Variants in BACH2 observed in about 807,000 individuals in gnomAD.
BACH2 encodes transcription regulator protein BACH2.
Under a neutral mutation model 61.8 loss-of-function variants are expected in BACH2, and 5 were observed. The ratio of observed to expected loss-of-function variants is 0.08; its 90% CI spans 0.04 to 0.17. The LOEUF is 0.17. BACH2 is among the 10% of genes least tolerant of loss of function. The pLI, the probability that BACH2 is intolerant of heterozygous loss-of-function variation, is 1.00. For synonymous variants in BACH2, 446 were observed against 440.1 expected (o/e 1.01, Z -0.17); for missense variants, 824 against 1,091.1 (o/e 0.76, Z 3.45).
intron 4 of BACH2, among the ~76,000 whole-genome samples, chr6:90,103,025 A>AT (rs1440363076): frequency 2.5e-4 from 7 of 27,508 alleles, no homozygotes; most frequent in East Asian, 4.1e-4. Context: ...ATATATATAT[A>AT]TATATTTTTT....
chr6:89,968,467 A>G (rs1337833970), intron 6 of BACH2, among the ~76,000 whole-genome samples: 2 of 152,240 alleles, frequency 1.3e-5, no homozygotes, highest in South Asian at 2.1e-4. Flanking sequence ...TAAGAAGGCA[A>G]TAACATTACA....
Position 89,950,753 on chromosome 6 carries a change from C to T in BACH2, c.1353G>A (p.Val451=). The change falls in exon 7 of 9, where the codon GTG becomes GTA. Residue 451 remains valine (V), a synonymous_variant. Coordinates refer to ENST00000257749, the MANE Select transcript of BACH2 (RefSeq NM_021813.4). This position sits in a 1 kb window ranked among gnomAD's most constrained non-coding sequence, Gnocchi z 5.3. ...VSTSVHSYSG[V]SSLDKDLSEP... ...CAGAGAGGTCTTTGTCCAAACTGCT[C>T]ACCCCAGAATAAGAATGCACCGAGG... 2 of 1,614,172 alleles carry T rather than the reference C, an allele frequency of 1.2e-6. No homozygotes were observed. Among genetic ancestry groups the T allele is most frequent in the African/African-American group, 1.3e-5 (1 of 75,060 alleles).
At chr6:89,988,129 A>T (rs932358205) in intron 6 of BACH2, among the ~76,000 whole-genome samples, 2 of 152,188 alleles carry the variant, frequency 1.3e-5, no homozygotes, top group Admixed American at 6.5e-5. Context: ...GCAGTATTTT[A>T]AAAAAATCAA....
chr6:90,258,814 T>C (rs930937075), intron 2 of BACH2, among the ~76,000 whole-genome samples: 2 of 152,200 alleles, frequency 1.3e-5, no homozygotes, highest in Non-Finnish European at 2.9e-5. Context: ...TTCTTTTTGA[T>C]GCTTTGTTAA....
At chr6:90,098,013 A>G (rs1029827397) in intron 4 of BACH2, among the ~76,000 whole-genome samples, 6 of 152,198 alleles carry the variant, frequency 3.9e-5, no homozygotes, top group South Asian at 2.1e-4. Flanking sequence ...TAGGTTCTAT[A>G]CTAGCTGTAT....
chr6:89,963,758 T>G (rs996490738), intron 6 of BACH2, among the ~76,000 whole-genome samples: 1 of 152,220 alleles, frequency 6.6e-6, no homozygotes, highest in African/African-American at 2.4e-5. Context: ...GTTTGTACAC[T>G]CATGTTCACA....
intron 4 of BACH2, among the ~76,000 whole-genome samples, chr6:90,190,002 G>A (rs1447682595): frequency 2.6e-5 from 4 of 152,030 alleles, no homozygotes; most frequent in African/African-American, 4.8e-5. Flanking sequence ...GGAGTGCAAC[G>A]GCATGATCTC....
intron 5 of BACH2, among the ~76,000 whole-genome samples, chr6:90,037,260 G>A (rs915096171): frequency 2.6e-5 from 4 of 152,134 alleles, no homozygotes; most frequent in African/African-American, 9.7e-5. Flanking sequence ...AGGATCCTTG[G>A]ATTAAGTGTG....
intron 2 of BACH2, among the ~76,000 whole-genome samples, chr6:90,260,658 T>C (rs551131441): frequency 2.6e-5 from 4 of 152,234 alleles, no homozygotes; most frequent in Non-Finnish European, 5.9e-5. Flanking sequence ...TTACAGCAGC[T>C]AGCATTACCT....
intron 4 of BACH2, among the ~76,000 whole-genome samples, chr6:90,181,137 G>A (rs554572452): frequency 2.0e-5 from 3 of 152,278 alleles, no homozygotes; most frequent in African/African-American, 7.2e-5. Flanking sequence ...CCCACCAGTA[G>A]TGTGTAAGTG....
intron 5 of BACH2, among the ~76,000 whole-genome samples, chr6:90,067,054 G>C (rs1310475466): frequency 6.6e-6 from 1 of 152,228 alleles, no homozygotes; most frequent in Non-Finnish European, 1.5e-5. Context: ...ACATGTAATA[G>C]GGAACACATG....
chr6:90,255,992 C>T (rs1037802807), intron 2 of BACH2, among the ~76,000 whole-genome samples: 10 of 152,230 alleles, frequency 6.6e-5, no homozygotes, highest in Admixed American at 5.9e-4. Context: ...CCAACGGAGA[C>T]TTGCCCAAGT....
intron 5 of BACH2, among the ~76,000 whole-genome samples, chr6:90,073,164 C>T (rs1305041639): frequency 6.6e-6 from 1 of 152,196 alleles, no homozygotes; most frequent in Non-Finnish European, 1.5e-5. Context: ...TATTCTTGCT[C>T]GAGAACAATG....
intron 5 of BACH2, among the ~76,000 whole-genome samples, chr6:90,046,097 C>T (rs1254402160): frequency 2.0e-5 from 3 of 152,142 alleles, no homozygotes; most frequent in Non-Finnish European, 2.9e-5. Flanking sequence ...CCCCAGTGTC[C>T]CATCCACGTC....
chr6:90,206,293 T>A (rs1272077786), intron 4 of BACH2, among the ~76,000 whole-genome samples: 1 of 152,108 alleles, frequency 6.6e-6, no homozygotes, highest in Non-Finnish European at 1.5e-5. Flanking sequence ...AGTCTCAATA[T>A]TCCAATATTC....
At chr6:89,976,994 C>T (rs1443683394) in intron 6 of BACH2, among the ~76,000 whole-genome samples, 3 of 152,074 alleles carry the variant, frequency 2.0e-5, no homozygotes, top group East Asian at 1.9e-4. Context: ...TAGGTCCTGC[C>T]GATAAGTAAT....
chr6:89,970,352 T>C (rs1372259815), intron 6 of BACH2, among the ~76,000 whole-genome samples: 1 of 152,174 alleles, frequency 6.6e-6, no homozygotes, highest in Non-Finnish European at 1.5e-5. Flanking sequence ...GGGCAGAGCA[T>C]ACAGTCACAG....
intron 1 of BACH2, among the ~76,000 whole-genome samples, chr6:90,289,377 T>C (rs1333116778): frequency 6.6e-6 from 1 of 152,234 alleles, no homozygotes; most frequent in Non-Finnish European, 1.5e-5. Context: ...CTGAGGATTA[T>C]GTGAGTTAAT....
At chr6:90,027,724 C>T (rs1383423629) in intron 5 of BACH2, among the ~76,000 whole-genome samples, 1 of 152,124 alleles carries the variant, frequency 6.6e-6, no homozygotes, top group Non-Finnish European at 1.5e-5. Flanking sequence ...ATGGCTTTGG[C>T]TTTGGGGCCA....
Sources: gnomAD v4.1 joint callset for allele counts (sites outside exome capture counted in the v4.1 genomes callset) on GRCh38, gnomAD v4.1.1 for gene constraint, Gnocchi (gnomAD v3.1) non-coding constraint, MANE v1.5 for transcripts, NCBI Gene and HGNC (gene_info 2026-07-23, HGNC 2026-07-21) for gene names.